ABCD3: variants seen among roughly 807,000 people sequenced by gnomAD.
ABCD3 encodes the protein ATP-binding cassette sub-family D member 3.
Under a neutral mutation model 105.5 loss-of-function variants are expected in ABCD3, and 41 were observed. That is an observed-to-expected ratio of 0.39 (90% CI 0.30 to 0.50). The LOEUF (loss-of-function observed/expected upper bound fraction) is 0.50. Ranked by LOEUF, ABCD3 falls within the 20% of genes least tolerant of loss-of-function variation. The pLI, the probability that ABCD3 is intolerant of heterozygous loss-of-function variation, is 0.84. For missense variants in ABCD3, 622 were observed against 806.3 expected, an observed-to-expected ratio of 0.77 and a Z score of 2.77; for synonymous variants, 258 against 269.0, an observed-to-expected ratio of 0.96 and a Z score of 0.40.
At chr1:94,452,398 C>T (rs1370620028) in intron 1 of ABCD3, among the ~76,000 whole-genome samples, 1 of 152,124 alleles carries the variant, frequency 6.6e-6, no homozygotes, top group African/African-American at 2.4e-5. Flanking sequence ...GAGAAATGGT[C>T]AAATAATTCA....
intron 21 of ABCD3, among the ~76,000 whole-genome samples, chr1:94,510,321 G>A (rs1019560678): frequency 4.0e-4 from 61 of 152,226 alleles, no homozygotes; most frequent in African/African-American, 1.4e-3. Flanking sequence ...TCTTAATCCT[G>A]AGTTCTAGTT....
chr1:94,512,557 C>G (rs781209125), intron 21 of ABCD3, among the ~76,000 whole-genome samples: 2 of 151,922 alleles, frequency 1.3e-5, no homozygotes, highest in Non-Finnish European at 2.9e-5. Flanking sequence ...TTTCCATTAA[C>G]TTTATCTAAA....
At chr1:94,510,825 T>C (rs891634821) in intron 21 of ABCD3, among the ~76,000 whole-genome samples, 2 of 152,200 alleles carry the variant, frequency 1.3e-5, no homozygotes, top group Non-Finnish European at 2.9e-5. Context: ...CTGCCTTTTT[T>C]TTGTTTTCCA....
the ABCD3 span, among the ~76,000 whole-genome samples, chr1:94,400,103 C>T: frequency 5.9e-5 from 9 of 152,052 alleles, no homozygotes; most frequent in African/African-American, 2.2e-4. Context: ...AGAAGCACAA[C>T]ATCCTAGAAC....
At chr1:94,454,354 T>G (rs1346297928) in intron 1 of ABCD3, among the ~76,000 whole-genome samples, 2 of 152,194 alleles carry the variant, frequency 1.3e-5, no homozygotes, top group Non-Finnish European at 2.9e-5. Context: ...GTGTGATCAC[T>G]GATTTAGGGC....
chr1:94,433,223 C>T (rs934176086), intron 1 of ABCD3, among the ~76,000 whole-genome samples: 1 of 150,916 alleles, frequency 6.6e-6, no homozygotes, highest in Non-Finnish European at 1.5e-5. Context: ...GGCCCGATCT[C>T]GGCTCACTGC....
At position 94,517,156 on chromosome 1, in the gene ABCD3, C is replaced by T. The variant is rs1650954933; in HGVS notation, c.*27C>T. The stretch of plus-strand genomic sequence containing the variant: ...GAAATCTGGAGAACTATACCTGCTT[C>T]AGTGAAATAATTACAGAATATACTT... On this transcript the variant is annotated 3_prime_UTR_variant, in exon 23 of 23. Coordinates refer to ENST00000370214, the MANE Select transcript of ABCD3 (RefSeq NM_002858.4). The T allele has an allele frequency of 1.3e-6, 2 of 1,501,792 alleles. No homozygotes were observed. Among genetic ancestry groups the T allele is most frequent in the Admixed American group, 1.7e-5 (1 of 59,522 alleles). 93.0% of individuals were successfully genotyped at this position (1,501,792 alleles called of 1,614,324 possible). A position where few individuals can be genotyped will look rare whatever the true frequency, so the allele number is the denominator to read the frequency against.
intron 16 of ABCD3, among the ~76,000 whole-genome samples, chr1:94,497,950 G>A (rs1649899818): frequency 6.6e-6 from 1 of 152,164 alleles, no homozygotes; most frequent in African/African-American, 2.4e-5. Context: ...ACAGTCTATA[G>A]AGTACGTTTT....
intron 1 of ABCD3, among the ~76,000 whole-genome samples, chr1:94,453,671 CT>C (rs1647383003): frequency 6.6e-6 from 1 of 150,862 alleles, no homozygotes; most frequent in Non-Finnish European, 1.5e-5. Context: ...TTTCAAATTT[CT>C]TTACATAGAG....
intron 4 of ABCD3, among the ~76,000 whole-genome samples, chr1:94,468,873 T>C (rs1325107577): frequency 1.2e-5 from 1 of 86,548 alleles, no homozygotes; most frequent in Non-Finnish European, 2.4e-5. Context: ...TCTAGGACAG[T>C]AAAAAATCTT....
chr1:94,442,409 T>C (rs1469910117), intron 1 of ABCD3, among the ~76,000 whole-genome samples: 1 of 152,176 alleles, frequency 6.6e-6, no homozygotes, highest in Non-Finnish European at 1.5e-5. Context: ...AGTTATGCAA[T>C]GTGCTTTAGT....
chr1:94,416,468 T>C (rs1659019011), upstream of ABCD3, among the ~76,000 whole-genome samples: 1 of 152,176 alleles, frequency 6.6e-6, no homozygotes, highest in African/African-American at 2.4e-5. Flanking sequence ...ATCTCCATGA[T>C]CTGTTCATCC....
chr1:94,445,973 G>C (rs898607291), intron 1 of ABCD3, among the ~76,000 whole-genome samples: 3 of 152,196 alleles, frequency 2.0e-5, no homozygotes, highest in Admixed American at 2.0e-4. Flanking sequence ...TGGCAGGACT[G>C]AGAGTGGGTA....
chr1:94,413,191 T>C, the ABCD3 span, among the ~76,000 whole-genome samples: 1 of 152,164 alleles, frequency 6.6e-6, no homozygotes, highest in Admixed American at 6.5e-5. Flanking sequence ...TCTTCTAATA[T>C]TTTTATGGTA....
Position 94,418,472 on chromosome 1 carries a change from C to G in ABCD3, c.-7C>G. ...CCCCTCGCCGGCTCGCTGGTACCGG[C>G]AGTGCCATGGCGGCCTTCAGCAAGT... On this transcript the variant is annotated 5_prime_UTR_variant, in exon 1 of 23. Coordinates refer to ENST00000370214, the MANE Select transcript of ABCD3 (RefSeq NM_002858.4). 2 of 1,594,362 alleles carry G rather than the reference C, an allele frequency of 1.3e-6. No individual in the cohort carries two copies. The highest frequency in any genetic ancestry group is 1.7e-6 in the Non-Finnish European group (2 of 1,175,330).
At chr1:94,455,912 G>A in intron 1 of ABCD3, 1 of 1,069,140 alleles carries the variant, frequency 9.4e-7, no homozygotes, top group Non-Finnish European at 1.2e-6. Context: ...GTGGTAAGCA[G>A]TGTGGCATTT....
At chr1:94,409,418 G>T in the ABCD3 span, among the ~76,000 whole-genome samples, 1 of 151,554 alleles carries the variant, frequency 6.6e-6, no homozygotes, top group African/African-American at 2.4e-5. Context: ...TTTGTATTTC[G>T]GTCTTTTCTC....
At chr1:94,417,994 T>G (rs755164501), upstream of ABCD3, among the ~76,000 whole-genome samples, 1 of 152,222 alleles carries the variant, frequency 6.6e-6, no homozygotes, top group Non-Finnish European at 1.5e-5. Context: ...GCCGTCCGCC[T>G]CCTTCCTGGG....
intron 21 of ABCD3, among the ~76,000 whole-genome samples, chr1:94,510,565 G>C (rs1650610081): frequency 6.6e-6 from 1 of 152,130 alleles, no homozygotes; most frequent in African/African-American, 2.4e-5. Flanking sequence ...CTGTCTTGTT[G>C]ATCTGACTAA....
Sources: allele counts gnomAD v4.1 joint callset (sites outside exome capture counted in the v4.1 genomes callset), GRCh38; gene constraint gnomAD v4.1.1; transcripts MANE v1.5; gene names NCBI Gene and HGNC (gene_info 2026-07-23, HGNC 2026-07-21).